The following POMGNT2 variants were observed in gnomAD, a reference collection of about 807,000 sequenced individuals.
POMGNT2 encodes the protein protein O-linked-mannose beta-1,4-N-acetylglucosaminyltransferase 2.
POMGNT2 carries 32 observed loss-of-function variants against 37.8 expected under a neutral mutation model. The ratio of observed to expected loss-of-function variants is 0.85; its 90% CI spans 0.64 to 1.14. The LOEUF (loss-of-function observed/expected upper bound fraction) is 1.14, where lower values mean the gene tolerates loss of function less well. POMGNT2 is among the 50% of genes most tolerant of loss of function. The pLI, the probability that POMGNT2 is intolerant of heterozygous loss-of-function variation, is 0.00. For synonymous variants in POMGNT2, 340 were observed against 336.8 expected (o/e 1.01, Z -0.10); for missense variants, 705 against 780.6 (o/e 0.90, Z 1.15).
intron 1 of POMGNT2, among the ~76,000 whole-genome samples, chr3:43,084,160 A>G (rs1005130029): frequency 2.6e-5 from 4 of 152,098 alleles, no homozygotes; most frequent in African/African-American, 9.7e-5. Context: ...TGAGTTTTCA[A>G]AAGTTTGACT....
At chr3:43,084,554 A>G (rs1168699770) in intron 1 of POMGNT2, among the ~76,000 whole-genome samples, 19 of 151,990 alleles carry the variant, frequency 1.3e-4, no homozygotes, top group African/African-American at 4.6e-4. Flanking sequence ...CTGAGGCAGG[A>G]GAATGGCATG....
In POMGNT2 at chr3:43,087,032, G is replaced by C. The variant is rs576114143; in HGVS notation, c.-105-5496C>G. 8.5e-5 allele frequency among the ~76,000 whole-genome samples: 13 copies of C among 152,290 alleles called. No individual in the cohort carries two copies. The East Asian group carries it at 2.5e-3, about 29-fold the overall frequency. ...ACGGAGAAACAGAAGGCCATGTGAAGATGAAGACGAGACTGGAGTGATGTA... is the reference window on the plus strand; with the variant it reads ...ACGGAGAAACAGAAGGCCATGTGAACATGAAGACGAGACTGGAGTGATGTA... On this transcript the variant is annotated intron_variant, in intron 1 of 1. Coordinates refer to ENST00000344697, the MANE Select transcript of POMGNT2 (RefSeq NM_032806.6).
chr3:43,098,165 T>C lies in POMGNT2; in HGVS notation c.-106+7671A>G, dbSNP rs775959010. Among the ~76,000 whole-genome samples, 3 of 152,276 alleles carry C rather than the reference T, an allele frequency of 2.0e-5. No individual in the cohort carries two copies. The highest frequency in any genetic ancestry group is 2.9e-5 in the Non-Finnish European group (2 of 68,046). Reference sequence around the variant, plus strand: ...TTTTAAGGATTGTTCACACTTCCAATTGAAAATTATAGAAATCTTATTTTG... The same window carrying C: ...TTTTAAGGATTGTTCACACTTCCAACTGAAAATTATAGAAATCTTATTTTG... On this transcript the variant is annotated intron_variant, in intron 1 of 1. Coordinates refer to ENST00000344697, the MANE Select transcript of POMGNT2 (RefSeq NM_032806.6). This position sits in a 1 kb window ranked among gnomAD's most constrained non-coding sequence, Gnocchi z 4.3.
chr3:43,098,356 C>CA lies in POMGNT2; in HGVS notation c.-106+7479_-106+7480insT, dbSNP rs2089994323. Among the ~76,000 whole-genome samples the CA allele has an allele frequency of 1.3e-5, 2 of 150,880 alleles. No individual in the cohort carries two copies. The highest frequency in any genetic ancestry group is 2.4e-5 in the African/African-American group (1 of 41,082). ...CCTCAGAATGATCTCTTTCCCCCTC[C>CA]TTTTTTTTTGGTTATCTGAAGTAGT... On this transcript the variant is annotated intron_variant, in intron 1 of 1. Transcript: ENST00000344697. The surrounding 1 kb of genome is among the most constrained non-coding windows in gnomAD (Gnocchi z 4.3).
In POMGNT2 at chr3:43,081,378, G is replaced by C; in HGVS notation, c.54C>G (p.Val18=). 6.2e-7 allele frequency: 1 copy of C among 1,605,864 alleles called. No homozygotes were observed. The highest frequency in any genetic ancestry group is 8.5e-7 in the Non-Finnish European group (1 of 1,177,666). ...NALLVSVLAA[V]LWKHVRLREH... Reference sequence around the variant, plus strand: ...CACGCAGCCGCACATGCTTCCACAGGACCGCTGCCAGCACCGACACCAGGA... The same window carrying C: ...CACGCAGCCGCACATGCTTCCACAGCACCGCTGCCAGCACCGACACCAGGA... Residue 18 remains valine, a synonymous_variant, in exon 2 of 2, where the codon GTC becomes GTG. Coordinates refer to ENST00000344697, the MANE Select transcript of POMGNT2 (RefSeq NM_032806.6).
At chr3:43,092,930 C>G (rs2089954469) in intron 1 of POMGNT2, among the ~76,000 whole-genome samples, 1 of 152,200 alleles carries the variant, frequency 6.6e-6, no homozygotes, top group Non-Finnish European at 1.5e-5. Flanking sequence ...GCCCTATGAG[C>G]TGATGCACAT....
intron 1 of POMGNT2, among the ~76,000 whole-genome samples, chr3:43,096,739 A>C (rs1474372743): frequency 6.6e-6 from 1 of 152,226 alleles, no homozygotes; most frequent in Non-Finnish European, 1.5e-5. Flanking sequence ...GCCAGGACAA[A>C]GCATGATAAA....
chr3:43,089,803 C>T (rs921086505), intron 1 of POMGNT2, among the ~76,000 whole-genome samples: 15 of 151,932 alleles, frequency 9.9e-5, no homozygotes, highest in Admixed American at 9.2e-4. Context: ...AACTTCCACT[C>T]ATTCACATCT....
At chr3:43,088,210 CAA>C (rs1404197400) in intron 1 of POMGNT2, 2 of 152,316 alleles carry the variant, frequency 1.3e-5, no homozygotes, top group Middle Eastern at 3.4e-3. Flanking sequence ...TCATCTGACT[CAA>C]AGCAAAAACT....
intron 1 of POMGNT2, chr3:43,087,615 C>A (rs2089908467): frequency 6.6e-6 from 1 of 152,214 alleles, no homozygotes; most frequent in African/African-American, 2.4e-5. Flanking sequence ...CTGCTTGAAC[C>A]CTCCTGAGGG....
In POMGNT2 at chr3:43,079,379, T is replaced by A; in HGVS notation, c.*310A>T. On this transcript the variant is annotated 3_prime_UTR_variant, in exon 2 of 2. Coordinates refer to ENST00000344697, the MANE Select transcript of POMGNT2 (RefSeq NM_032806.6). Reference sequence around the variant, plus strand: ...AAATCTGGATACCAGAAAAACTCAGTAGGAAACATCAGGATCACCTAGCCA... The same window carrying A: ...AAATCTGGATACCAGAAAAACTCAGAAGGAAACATCAGGATCACCTAGCCA... 1 of 342,568 alleles carries A rather than the reference T, an allele frequency of 2.9e-6. No individual in the cohort carries two copies. The allele number at this position is 342,568 out of a possible 1,614,324, so 21.2% of individuals were successfully genotyped here. A position where few individuals can be genotyped will look rare whatever the true frequency, so the allele number is the denominator to read the frequency against.
intron 1 of POMGNT2, chr3:43,087,831 A>G (rs1344010647): frequency 6.6e-6 from 1 of 152,218 alleles, no homozygotes; most frequent in Non-Finnish European, 1.5e-5. Context: ...AGAAGAGGAT[A>G]TGCACTGTCT....
intron 1 of POMGNT2, among the ~76,000 whole-genome samples, chr3:43,085,493 T>C (rs1373738124): frequency 6.7e-6 from 1 of 148,948 alleles, no homozygotes; most frequent in African/African-American, 2.6e-5. Context: ...AAACAGGAGT[T>C]TCTTTGCACA....
chr3:43,084,105 T>G (rs2089877055), intron 1 of POMGNT2, among the ~76,000 whole-genome samples: 1 of 152,214 alleles, frequency 6.6e-6, no homozygotes, highest in South Asian at 2.1e-4. Flanking sequence ...GAATTGTTTT[T>G]CCCTGGAGGG....
rs372283907 is a variant in POMGNT2 at position 43,081,464 on chromosome 3, C to T, written c.-33G>A. ...CCACTGTGGGGCCCTAATGAGATGA[C>T]GGCCACTGGGAAGCACCACAGGCCA... On this transcript the variant is annotated 5_prime_UTR_variant, in exon 2 of 2. Transcript: ENST00000344697. 6.3e-5 allele frequency: 93 copies of T among 1,486,336 alleles called. No homozygotes were observed. Among genetic ancestry groups the T allele is most frequent in the Admixed American group, 3.1e-4 (13 of 42,334 alleles). The allele number at this position is 1,486,336 out of a possible 1,614,324, so 92.1% of individuals were successfully genotyped here.
chr3:43,085,166 G>A (rs1442532314), intron 1 of POMGNT2, among the ~76,000 whole-genome samples: 1 of 152,152 alleles, frequency 6.6e-6, no homozygotes, highest in Non-Finnish European at 1.5e-5. Context: ...CTGGGGTGTG[G>A]ATGGAAGTCT....
chr3:43,079,893 T>C lies in POMGNT2; in HGVS notation c.1539A>G (p.Lys513=). The change falls in exon 2 of 2, where the codon AAA becomes AAG. Residue 513 remains lysine (K), a synonymous_variant. Transcript: ENST00000344697. ...TVSWQIPWNL[K]YLKVREVKYE... Reference sequence around the variant, plus strand: ...ACTTCACCTCCCTCACCTTCAGGTATTTAAGGTTCCATGGGATCTGCCAGG... The same window carrying C: ...ACTTCACCTCCCTCACCTTCAGGTACTTAAGGTTCCATGGGATCTGCCAGG... 1 of 1,614,160 alleles carries C rather than the reference T, an allele frequency of 6.2e-7. No individual in the cohort carries two copies. The highest frequency in any genetic ancestry group is 8.5e-7 in the Non-Finnish European group (1 of 1,180,014).
At chr3:43,082,477 A>C (rs1480258982) in intron 1 of POMGNT2, among the ~76,000 whole-genome samples, 2 of 152,198 alleles carry the variant, frequency 1.3e-5, no homozygotes, top group Non-Finnish European at 2.9e-5. Context: ...AGGCAAAAAA[A>C]ACCAATAGGG....
In POMGNT2 at chr3:43,080,518, T is replaced by C; in HGVS notation, c.914A>G (p.Glu305Gly). The change falls in exon 2 of 2, where the codon GAG (glutamate) becomes GGG (glycine). Residue 305 changes from glutamate (E) to glycine (G), a missense_variant. Physicochemically the swap from Glu to Gly is moderately conservative, Grantham distance 98. Coordinates refer to ENST00000344697, the MANE Select transcript of POMGNT2 (RefSeq NM_032806.6). ...CTCCTGGGCCAGTGCCAGCAGCAGC[T>C]CTGCCTCATTCAGAATGAGTCTGTT... ...TQNRLILNEA[E>G]LLLALAQEFQ... 1 of 1,614,214 alleles carries C rather than the reference T, an allele frequency of 6.2e-7. No homozygotes were observed. Among genetic ancestry groups the C allele is most frequent in the Non-Finnish European group, 8.5e-7 (1 of 1,180,032 alleles).
Sources: allele counts gnomAD v4.1 joint callset (sites outside exome capture counted in the v4.1 genomes callset), GRCh38; gene constraint gnomAD v4.1.1; non-coding constraint Gnocchi (gnomAD v3.1); transcripts MANE v1.5; gene names NCBI Gene and HGNC (gene_info 2026-07-23, HGNC 2026-07-21).